GRIK4: variants seen among roughly 807,000 people sequenced by gnomAD.
The protein encoded by GRIK4 is glutamate ionotropic receptor kainate type subunit 4.
Under a neutral mutation model 104.9 loss-of-function variants are expected in GRIK4, and 40 were observed. The ratio of observed to expected loss-of-function variants is 0.38; its 90% confidence interval spans 0.30 to 0.50. The LOEUF is 0.50. Ranked by LOEUF, GRIK4 falls within the 20% of genes least tolerant of loss-of-function variation. The pLI, the probability that GRIK4 is intolerant of heterozygous loss-of-function variation, is 0.93. For synonymous variants in GRIK4, 485 were observed against 524.9 expected (o/e 0.92, Z 1.04); for missense variants, 1,047 against 1,308.1 (o/e 0.80, Z 3.08).
Position 120,879,433 on chromosome 11 carries a change from C to T in GRIK4, c.1164+4190C>T, listed in dbSNP as rs142154218. ...GGTTTTGATTGTTTAGAAAGCCCCA[C>T]GCAGCGACCTGCTGGGTTGCAATTG... On this transcript the variant is annotated intron_variant, in intron 11 of 20. Transcript: ENST00000527524. Among the ~76,000 whole-genome samples the T allele has an allele frequency of 9.8e-5, 15 of 152,344 alleles. No individual in the cohort carries two copies. In the East Asian group the frequency reaches 2.5e-3, roughly 25 times the overall value.
chr11:120,871,547 G>A (rs978891629), intron 9 of GRIK4: 20 of 455,542 alleles, frequency 4.4e-5, no homozygotes, highest in South Asian at 2.3e-4. Flanking sequence ...GTTCCCCATG[G>A]TGAGAATTGG....
At chr11:120,777,409 G>A (rs1328607845) in intron 3 of GRIK4, among the ~76,000 whole-genome samples, 1 of 152,192 alleles carries the variant, frequency 6.6e-6, no homozygotes, top group Non-Finnish European at 1.5e-5. Context: ...AAAGATGGGG[G>A]CTCTCCCAGT....
At position 120,824,360 on chromosome 11, in the gene GRIK4, G is replaced by A. The variant is rs528766684; in HGVS notation, c.511+4440G>A. Among the ~76,000 whole-genome samples the A allele has an allele frequency of 1.8e-4, 28 of 152,266 alleles. No homozygotes were observed. In the South Asian group the frequency reaches 5.6e-3, roughly 30 times the overall value. On this transcript the variant is annotated intron_variant, in intron 6 of 20. Coordinates refer to ENST00000527524, the MANE Select transcript of GRIK4 (RefSeq NM_014619.5). Reference sequence around the variant, plus strand: ...GCCTGAGGGAGTTGGCTACTGGGGGGCTTCCAAGGAGAGTTGGGGCTCACC... The same window carrying A: ...GCCTGAGGGAGTTGGCTACTGGGGGACTTCCAAGGAGAGTTGGGGCTCACC...
At chr11:120,781,191 GT>G (rs1187923857) in intron 3 of GRIK4, among the ~76,000 whole-genome samples, 1 of 136,602 alleles carries the variant, frequency 7.3e-6, no homozygotes, top group East Asian at 2.1e-4. Context: ...TTTTGTGTTT[GT>G]TTTTTTGGTA....
chr11:120,844,673 C>G (rs571155950), intron 8 of GRIK4, among the ~76,000 whole-genome samples: 1 of 152,286 alleles, frequency 6.6e-6, no homozygotes, highest in Non-Finnish European at 1.5e-5. Flanking sequence ...ATTCCCTGTT[C>G]CGCAGGACCC....
intron 3 of GRIK4, among the ~76,000 whole-genome samples, chr11:120,799,756 T>C (rs578216371): frequency 3.9e-5 from 6 of 152,242 alleles, no homozygotes; most frequent in African/African-American, 7.2e-5. Flanking sequence ...ATGGATCCAG[T>C]GTCTGTCCAA....
At chr11:120,760,964 G>A (rs1951739166) in intron 3 of GRIK4, among the ~76,000 whole-genome samples, 2 of 152,162 alleles carry the variant, frequency 1.3e-5, no homozygotes, top group East Asian at 1.9e-4. Context: ...TATATACCCA[G>A]TAATGGGATT....
At chr11:120,677,757 CT>C (rs1238065714) in intron 3 of GRIK4, among the ~76,000 whole-genome samples, 5 of 152,164 alleles carry the variant, frequency 3.3e-5, no homozygotes, top group Admixed American at 3.3e-4. Context: ...CTCCTTTTCC[CT>C]GTTTGATATT....
chr11:120,820,051 A>C, intron 6 of GRIK4, 131 bp downstream of exon 6: 1 of 779,540 alleles, frequency 1.3e-6, no homozygotes, highest in Non-Finnish European at 2.1e-6. Flanking sequence ...CTGATAACCA[A>C]TGGGTTTGGG....
intron 3 of GRIK4, among the ~76,000 whole-genome samples, chr11:120,799,180 T>G (rs993312580): frequency 1.3e-5 from 2 of 152,234 alleles, no homozygotes; most frequent in Non-Finnish European, 2.9e-5. Context: ...CTACTTTATT[T>G]ATCTTACTAC....
intron 3 of GRIK4, among the ~76,000 whole-genome samples, chr11:120,720,385 A>AT (rs970416162): frequency 1.3e-5 from 2 of 152,048 alleles, no homozygotes; most frequent in African/African-American, 4.8e-5. Context: ...AGTAATATAG[A>AT]TTTTCCCATT....
intron 13 of GRIK4, among the ~76,000 whole-genome samples, chr11:120,925,145 G>T (rs1565442551): frequency 6.6e-6 from 1 of 152,180 alleles, no homozygotes; most frequent in Non-Finnish European, 1.5e-5. Flanking sequence ...CACAGGGAAG[G>T]CCTCTAGAAG....
chr11:120,776,320 T>G (rs182324752), intron 3 of GRIK4, among the ~76,000 whole-genome samples: 22 of 152,316 alleles, frequency 1.4e-4, no homozygotes, highest in Admixed American at 2.6e-4. Flanking sequence ...GGAAGGGCTG[T>G]GTCTGCCCTC....
At chr11:120,898,469 C>G (rs1592056349) in intron 11 of GRIK4, 63 bp from the exon 12 acceptor site, 1 of 931,868 alleles carries the variant, frequency 1.1e-6, no homozygotes, top group Admixed American at 1.8e-5. Context: ...AGGTCAGCCT[C>G]TTGGCTCCTT....
rs1944752988 is a variant in GRIK4 at position 120,986,324 on chromosome 11, T to C, written c.*64T>C. ...GGGAGGGGAGGGGCGGGGCGGGCGC[T>C]GCTGTCAGCCGCCAGCCGGAACTTG... On this transcript the variant is annotated 3_prime_UTR_variant, in exon 21 of 21. Coordinates refer to ENST00000527524, the MANE Select transcript of GRIK4 (RefSeq NM_014619.5). The C allele has an allele frequency of 1.4e-6, 2 of 1,414,444 alleles. No individual in the cohort carries two copies. The highest frequency in any genetic ancestry group is 2.9e-5 in the South Asian group (2 of 68,410). The allele number at this position is 1,414,444 out of a possible 1,614,324, so 87.6% of individuals were successfully genotyped here.
chr11:120,829,660 C>T (rs1953370375), intron 6 of GRIK4, among the ~76,000 whole-genome samples: 1 of 152,176 alleles, frequency 6.6e-6, no homozygotes, highest in Admixed American at 6.5e-5. Flanking sequence ...AACATGGAGA[C>T]CGTACATCCC....
chr11:120,787,861 T>C (rs1346514914), intron 3 of GRIK4, among the ~76,000 whole-genome samples: 3 of 23,772 alleles, frequency 1.3e-4, no homozygotes, highest in Admixed American at 6.8e-4. Flanking sequence ...TCTTTTTTTT[T>C]TTTTTTTTTT....
chr11:120,684,749 C>G (rs577457556), intron 3 of GRIK4, among the ~76,000 whole-genome samples: 1 of 151,756 alleles, frequency 6.6e-6, no homozygotes, highest in African/African-American at 2.4e-5. Flanking sequence ...CTCGCTCTGT[C>G]GCCCAGGCTG....
At chr11:120,719,161 A>G (rs1299314553) in intron 3 of GRIK4, among the ~76,000 whole-genome samples, 1 of 152,214 alleles carries the variant, frequency 6.6e-6, no homozygotes, top group African/African-American at 2.4e-5. Context: ...CAGAGATCTC[A>G]CATTCTTCTG....
Sources: allele counts gnomAD v4.1 joint callset (sites outside exome capture counted in the v4.1 genomes callset), GRCh38; gene constraint gnomAD v4.1.1; transcripts MANE v1.5; gene names NCBI Gene and HGNC (gene_info 2026-07-23, HGNC 2026-07-21).